The following KIF20A variants were observed in gnomAD, a reference collection of about 807,000 sequenced individuals.
KIF20A encodes the protein kinesin family member 20A, also known as kinesin-like protein KIF20A.
In KIF20A, 66 loss-of-function variants were observed where a neutral mutation model predicts 113.0. The ratio of observed to expected loss-of-function variants is 0.58; its 90% CI spans 0.48 to 0.72. The LOEUF is 0.72. Among genes scored for constraint, KIF20A ranks in the 30% least tolerant of loss-of-function variants. The pLI is 0.00. For missense variants in KIF20A, 927 were observed against 1,077.6 expected (o/e 0.86, Z 1.96); for synonymous variants, 376 against 402.3 (o/e 0.93, Z 0.78).
intron 15 of KIF20A, 128 bp downstream of exon 15, chr5:138,185,325 A>T: frequency 1.2e-6 from 1 of 836,898 alleles, no homozygotes; most frequent in South Asian, 1.6e-5. Flanking sequence ...TCTATTCCCC[A>T]TAGTGCTTTG....
Position 138,183,469 on chromosome 5 carries a change from G to C in KIF20A, c.1028-1G>C. The stretch of plus-strand genomic sequence containing the variant: ...CTTACACCCCTCTCCTTTGGCCCCA[G>C]ATCTCAACTGGATTCATGTGCAAGA... On this transcript the variant is annotated splice_acceptor_variant, in intron 8 of 18. Transcript: ENST00000394894. LOFTEE classifies it high-confidence loss of function. This position sits in a 1 kb window ranked among gnomAD's most constrained non-coding sequence, Gnocchi z 5.2. 6.2e-7 allele frequency: 1 copy of C among 1,613,940 alleles called. No homozygotes were observed. The highest frequency in any genetic ancestry group is 8.5e-7 in the Non-Finnish European group (1 of 1,179,892).
chr5:138,184,939 T>C lies in KIF20A; in HGVS notation c.1816T>C (p.Trp606Arg), dbSNP rs776074252. The C allele has an allele frequency of 8.1e-6, 13 of 1,613,974 alleles. No homozygotes were observed. Among genetic ancestry groups the C allele is most frequent in the Non-Finnish European group, 1.0e-5 (12 of 1,179,978 alleles). ...MVEQMQQREQ[W>R]CSEHLDTQKE... ...AGAACAGATGCAACAGCGGGAACAG[T>C]GGTGCAGGTACTAGCTGAGTGACCC... Residue 606 changes from tryptophan (W) to arginine (R), a missense_variant, in exon 14 of 19, where the codon TGG (tryptophan) becomes CGG (arginine). Transcript: ENST00000394894.
rs952677632 is a variant in KIF20A, at chr5:138,187,272, A to T, written c.2532A>T (p.Pro844=). 2.0e-5 allele frequency: 32 copies of T among 1,614,056 alleles called. No homozygotes were observed. Among genetic ancestry groups the T allele is most frequent in the Admixed American group, 5.0e-5 (3 of 59,982 alleles). The change falls in exon 19 of 19, where the codon CCA becomes CCT. Residue 844 remains proline (P), a synonymous_variant. Coordinates refer to ENST00000394894, the MANE Select transcript of KIF20A (RefSeq NM_005733.3). ...QENQQPNQQP[P]GKKPFLRNLL... is the part of the protein sequence containing the mutation. ...ATCAGCAACCAAACCAACAACCACC[A>T]GGGAAGAAACCATTCCTTCGAAATT...
rs1035250010 is a variant in KIF20A at position 138,183,812 on chromosome 5, A to G, written c.1208+56A>G. 3 of 1,576,550 alleles carry G rather than the reference A, an allele frequency of 1.9e-6. No individual in the cohort carries two copies. Among genetic ancestry groups the G allele is most frequent in the South Asian group, 1.1e-5 (1 of 89,866 alleles). ...CTTGGCCATAAATGATAGTTGGGAA[A>G]GCATGGAGGAGGTCCTCAGGGGAAC... On this transcript the variant is annotated intron_variant, in intron 10 of 18. Transcript: ENST00000394894. This position sits in a 1 kb window ranked among gnomAD's most constrained non-coding sequence, Gnocchi z 5.2.
rs1423907857 is a variant in KIF20A, at chr5:138,185,110, C to T, written c.1839C>T (p.Thr613=). Residue 613 remains threonine, a synonymous_variant, in exon 15 of 19, where the codon ACC becomes ACT. Coordinates refer to ENST00000394894, the MANE Select transcript of KIF20A (RefSeq NM_005733.3). ...REQWCSEHLD[T]QKELLEEMYE... ...TTTCTGACAGTGAACATTTGGACACCCAAAAGGAACTATTGGAGGAAATGT... is the reference window on the plus strand; with the variant it reads ...TTTCTGACAGTGAACATTTGGACACTCAAAAGGAACTATTGGAGGAAATGT... The T allele has an allele frequency of 6.2e-6, 10 of 1,613,288 alleles. No individual in the cohort carries two copies. The East Asian group carries it at 2.2e-4, about 36-fold the overall frequency.
At position 138,184,658 on chromosome 5, in the gene KIF20A, C is replaced by T. The variant is rs1342278227; in HGVS notation, c.1665C>T (p.Ile555=). Reference sequence around the variant, plus strand: ...ATGATATTGAAAATGAAGCTGACATCTCCATGTATGGCAAAGAGGTGAGAA... The same window carrying T: ...ATGATATTGAAAATGAAGCTGACATTTCCATGTATGGCAAAGAGGTGAGAA... ...LDDDIENEAD[I]SMYGKEELLQ... is the part of the protein sequence containing the mutation. The change falls in exon 13 of 19, where the codon ATC becomes ATT. Residue 555 remains isoleucine, a synonymous_variant. Transcript: ENST00000394894. 2 of 1,614,026 alleles carry T rather than the reference C, an allele frequency of 1.2e-6. No homozygotes were observed. The highest frequency in any genetic ancestry group is 2.7e-5 in the African/African-American group (2 of 74,924).
rs1039071923 is a variant in KIF20A, at chr5:138,181,413, C to A, written c.166-9C>A. On this transcript the variant is annotated splice_polypyrimidine_tract_variant and intron_variant, in intron 2 of 18. Coordinates refer to ENST00000394894, the MANE Select transcript of KIF20A (RefSeq NM_005733.3). ...TAATCTGTGGTTCTGGGCTGGGATT[C>A]TGCCACAGGTTCCATCTGAGGACAG... 4.3e-6 allele frequency: 7 copies of A among 1,613,084 alleles called. No individual in the cohort carries two copies. The Admixed American group carries it at 6.7e-5, about 15-fold the overall frequency.
chr5:138,184,443 A>G (rs368604676), intron 12 of KIF20A, 39 bp downstream of exon 12: 7 of 1,612,978 alleles, frequency 4.3e-6, no homozygotes, highest in Middle Eastern at 1.6e-4. Context: ...CGCACTTGGA[A>G]CTGGTAACTC....
At position 138,185,451 on chromosome 5, in the gene KIF20A, A is replaced by G. The variant is rs151180168; in HGVS notation, c.1927-61A>G. The G allele has an allele frequency of 1.7e-5, 26 of 1,502,222 alleles. No individual in the cohort carries two copies. In the East Asian group the frequency reaches 5.2e-4, roughly 30 times the overall value. The allele number at this position is 1,502,222 out of a possible 1,614,324, so 93.1% of individuals were successfully genotyped here. On this transcript the variant is annotated intron_variant, in intron 15 of 18. Transcript: ENST00000394894. ...TCACAAGTGCTTTGTTTGTTCAGTC[A>G]TCTGTCTTAGCAATATTTTTCTGGC...
rs1353298620 is a variant in KIF20A at position 138,184,512 on chromosome 5, C to G, written c.1519C>G (p.Leu507Val). The change falls in exon 13 of 19, where the codon CTT becomes GTT. Residue 507 changes from leucine to valine, a missense_variant and splice_region_variant. Leu to Val is a conservative substitution (Grantham distance 32, BLOSUM62 1). Transcript: ENST00000394894. ...VAKFSAIASQ[L>V]VHAPPMQLGF... ...AGTAAGATATTTTTTTTCCCTCTAG[C>G]TTGTGCATGCCCCACCTATGCAACT... The G allele has an allele frequency of 6.2e-7, 1 of 1,612,552 alleles. No individual in the cohort carries two copies. Among genetic ancestry groups the G allele is most frequent in the Non-Finnish European group, 8.5e-7 (1 of 1,178,828 alleles).
chr5:138,187,127 TGGTGCTAGTGAAACTGGACCTTC>T lies in KIF20A; in HGVS notation c.2390_2412del (p.Val797GlufsTer8), dbSNP rs780755171. 1 of 1,612,034 alleles carries T rather than the reference TGGTGCTAGTGAAACTGGACCTTC, an allele frequency of 6.2e-7. No individual in the cohort carries two copies. The highest frequency in any genetic ancestry group is 1.3e-5 in the African/African-American group (1 of 74,866). ...ACTCTGGCTGAACTGCAGAACAACATGGTGCTAGTGAAACTGGACCTTCGGAAGAAGGCAGCATGTATTGCTGA... is the reference window on the plus strand; with the variant it reads ...ACTCTGGCTGAACTGCAGAACAACATGGAAGAAGGCAGCATGTATTGCTGA... On this transcript the variant is annotated frameshift_variant, in exon 19 of 19. Transcript: ENST00000394894. LOFTEE classifies it high-confidence loss of function.
chr5:138,186,116 CT>C, intron 17 of KIF20A, 64 bp downstream of exon 17: 1 of 1,516,600 alleles, frequency 6.6e-7, no homozygotes, highest in Non-Finnish European at 9.1e-7. Context: ...ATCCAACACT[CT>C]ATCACTGGTT....
At position 138,187,450 on chromosome 5, in the gene KIF20A, G is replaced by A; in HGVS notation, c.*37G>A. The A allele has an allele frequency of 6.4e-7, 1 of 1,558,690 alleles. No homozygotes were observed. Reference sequence around the variant, plus strand: ...AAGAGAAGAGCAGTCATGGCCCTGAGGTGGGTCAGCTACTCTCCTGAAGAA... The same window carrying A: ...AAGAGAAGAGCAGTCATGGCCCTGAAGTGGGTCAGCTACTCTCCTGAAGAA... On this transcript the variant is annotated 3_prime_UTR_variant, in exon 19 of 19. Coordinates refer to ENST00000394894, the MANE Select transcript of KIF20A (RefSeq NM_005733.3).
Position 138,183,830 on chromosome 5 carries a change from A to G in KIF20A, c.1208+74A>G. The stretch of plus-strand genomic sequence containing the variant: ...TTGGGAAAGCATGGAGGAGGTCCTC[A>G]GGGGAACTATGTGTTCTCCTTCTTT... On this transcript the variant is annotated intron_variant, in intron 10 of 18. Coordinates refer to ENST00000394894, the MANE Select transcript of KIF20A (RefSeq NM_005733.3). This position sits in a 1 kb window ranked among gnomAD's most constrained non-coding sequence, Gnocchi z 5.2. 1 of 1,571,414 alleles carries G rather than the reference A, an allele frequency of 6.4e-7. No individual in the cohort carries two copies. The highest frequency in any genetic ancestry group is 1.1e-5 in the South Asian group (1 of 89,474).
rs757241776 is a variant in KIF20A at position 138,184,598 on chromosome 5, A to C, written c.1605A>C (p.Leu535Phe). The change falls in exon 13 of 19, where the codon TTA (leucine) becomes TTC (phenylalanine). Residue 535 changes from leucine (L) to phenylalanine (F), a missense_variant. Coordinates refer to ENST00000394894, the MANE Select transcript of KIF20A (RefSeq NM_005733.3). ...ATAGTCTTCAGGTATCCCCCAGCTTAGAGAAAGGGGCTAAGGCAGACACAG... is the reference window on the plus strand; with the variant it reads ...ATAGTCTTCAGGTATCCCCCAGCTTCGAGAAAGGGGCTAAGGCAGACACAG... ...KEHSLQVSPS[L>F]EKGAKADTGL... 1.2e-6 allele frequency: 2 copies of C among 1,614,184 alleles called. No individual in the cohort carries two copies. Among genetic ancestry groups the C allele is most frequent in the South Asian group, 2.2e-5 (2 of 91,088 alleles).
At chr5:138,184,151 A>T in intron 11 of KIF20A, 46 bp downstream of exon 11, 1 of 1,612,596 alleles carries the variant, frequency 6.2e-7, no homozygotes, top group Non-Finnish European at 8.5e-7. Context: ...TTGCTAAGAG[A>T]CTTCCTGGAC....
intron 4 of KIF20A, 109 bp from the exon 5 acceptor site, chr5:138,182,214 G>A: frequency 1.6e-6 from 2 of 1,216,914 alleles, no homozygotes; most frequent in Non-Finnish European, 2.3e-6. Flanking sequence ...GAAGCTGCTT[G>A]AGTGGTCTCC....
rs759352647 is a variant in KIF20A at position 138,183,007 on chromosome 5, G to A, written c.832+17G>A. On this transcript the variant is annotated intron_variant, in intron 7 of 18. Transcript: ENST00000394894. This position sits in a 1 kb window ranked among gnomAD's most constrained non-coding sequence, Gnocchi z 5.2. ...AGCTGGATGGTATGTACCGTGACTG[G>A]GCTCTGCCAAAAAATAGTAGGAACT... is the stretch of plus-strand genomic sequence containing the variant. 2.2e-5 allele frequency: 35 copies of A among 1,613,556 alleles called. No homozygotes were observed. The East Asian group carries it at 6.7e-4, about 31-fold the overall frequency.
chr5:138,182,200 G>C, intron 4 of KIF20A, 123 bp from the exon 5 acceptor site: 1 of 1,037,722 alleles, frequency 9.6e-7, no homozygotes, highest in Non-Finnish European at 1.4e-6. Context: ...CAGCATTGCA[G>C]GAAGAAGCTG....
Sources: allele counts gnomAD v4.1 joint callset, GRCh38; gene constraint gnomAD v4.1.1; non-coding constraint Gnocchi (gnomAD v3.1); transcripts MANE v1.5; gene names NCBI Gene and HGNC (gene_info 2026-07-23, HGNC 2026-07-21).